Variants in ADAMTS15 observed in about 807,000 individuals in gnomAD.
ADAMTS15 encodes A disintegrin and metalloproteinase with thrombospondin motifs 15.
Under a neutral mutation model 79.1 loss-of-function variants are expected in ADAMTS15, and 35 were observed. The ratio of observed to expected loss-of-function variants is 0.44; its 90% CI spans 0.34 to 0.59. The LOEUF (loss-of-function observed/expected upper bound fraction) is 0.59, where lower values mean the gene tolerates loss of function less well. Ranked by LOEUF, ADAMTS15 falls within the 20% of genes least tolerant of loss-of-function variation. The pLI, the probability that ADAMTS15 is intolerant of heterozygous loss-of-function variation, is 0.02. For synonymous variants in ADAMTS15, 616 were observed against 567.3 expected (o/e 1.09, Z -1.22); for missense variants, 1,324 against 1,318.7 (o/e 1.00, Z -0.06).
In ADAMTS15 at chr11:130,473,473, G is replaced by A. The variant is rs61757474; in HGVS notation, c.2505G>A (p.Pro835=). 4,261 of 1,611,994 alleles carry A rather than the reference G, an allele frequency of 2.6e-3. 70 individuals are homozygous for A. In the East Asian group the frequency reaches 0.044, roughly 17 times the overall value. Residue 835 remains proline (P), a synonymous_variant, in exon 8 of 8, where the codon CCG becomes CCA. Coordinates refer to ENST00000299164, the MANE Select transcript of ADAMTS15 (RefSeq NM_139055.4). ...GCCTCTCCAACCAGGTGGAGCAGCC[G>A]GACGACAGGCCCCCTGCACGCTGGG... ...VLSLSNQVEQ[P]DDRPPARWVA...
chr11:130,460,302 G>A (rs143789719), intron 1 of ADAMTS15, among the ~76,000 whole-genome samples: 3,474 of 148,130 alleles, frequency 0.023, 62 homozygotes, highest in South Asian at 0.062. Flanking sequence ...TTGAGACGGA[G>A]TTTTGCTCTT....
intron 4 of ADAMTS15, among the ~76,000 whole-genome samples, chr11:130,465,627 T>C (rs1938284311): frequency 6.6e-6 from 1 of 152,002 alleles, no homozygotes; most frequent in South Asian, 2.1e-4. Context: ...TGACATCATT[T>C]CTCCAAAACA....
At position 130,473,374 on chromosome 11, in the gene ADAMTS15, A is replaced by G. The variant is rs146069494; in HGVS notation, c.2406A>G (p.Lys802=). Residue 802 remains lysine (K), a synonymous_variant, in exon 8 of 8, where the codon AAA becomes AAG. Coordinates refer to ENST00000299164, the MANE Select transcript of ADAMTS15 (RefSeq NM_139055.4). ...PRVRYSFYLP[K]EPREDKSSHP... Reference sequence around the variant, plus strand: ...TCCGCTACTCCTTCTATCTGCCCAAAGAGCCTCGGGAGGACAAGTCCTCTC... The same window carrying G: ...TCCGCTACTCCTTCTATCTGCCCAAGGAGCCTCGGGAGGACAAGTCCTCTC... The G allele has an allele frequency of 8.9e-5, 143 of 1,612,830 alleles. No individual in the cohort carries two copies. The African/African-American group carries it at 1.7e-3, about 20-fold the overall frequency.
chr11:130,461,621 G>A lies in ADAMTS15; in HGVS notation c.1090G>A (p.Gly364Ser), dbSNP rs749730638. 6.2e-7 allele frequency: 1 copy of A among 1,614,072 alleles called. No individual in the cohort carries two copies. Among genetic ancestry groups the A allele is most frequent in the Non-Finnish European group, 8.5e-7 (1 of 1,180,016 alleles). Residue 364 changes from glycine (G) to serine (S), a missense_variant and splice_region_variant, in exon 2 of 8, where the codon GGC becomes AGC. Gly to Ser is a moderately conservative substitution (Grantham distance 56). Transcript: ENST00000299164. ...PSAFTTAHEL[G>S]HVFNMPHDNV... ...AGCCTTCACCACTGCCCACGAGCTG[G>A]GTAAGGCTGGATAAGCTCCTCCTGG...
chr11:130,459,744 T>C (rs969491028), intron 1 of ADAMTS15, among the ~76,000 whole-genome samples: 1 of 152,210 alleles, frequency 6.6e-6, no homozygotes, highest in Non-Finnish European at 1.5e-5. Context: ...GTGACTATCA[T>C]CTGACCGTGG....
In ADAMTS15 at chr11:130,469,293, A is replaced by G; in HGVS notation, c.1574A>G (p.Tyr525Cys). The G allele has an allele frequency of 2.1e-6, 3 of 1,402,144 alleles. No homozygotes were observed. Among genetic ancestry groups the G allele is most frequent in the South Asian group, 1.8e-5 (1 of 54,334 alleles). The allele number at this position is 1,402,144 out of a possible 1,614,324, so 86.9% of individuals were successfully genotyped here. Residue 525 changes from tyrosine (Y) to cysteine (C), a missense_variant, in exon 5 of 8, where the codon TAT becomes TGT. Transcript: ENST00000299164. ...VDGSWAKWDP[Y>C]GPCSRTCGGG... ...GGTTCCTGGGCCAAATGGGATCCCT[A>G]TGGCCCCTGCTCGCGCACATGTGGT...
chr11:130,470,185 T>TATATATATAC (rs1565397844), intron 5 of ADAMTS15, among the ~76,000 whole-genome samples: 3 of 47,196 alleles, frequency 6.4e-5, no homozygotes, highest in African/African-American at 4.0e-4. Context: ...TATATATGTG[T>TATATATATAC]GTATATATAT....
chr11:130,462,835 C>T lies in ADAMTS15; in HGVS notation c.1542+55C>T, dbSNP rs1293461880. ...ACTGCTGGGAGGAGGGATGGAGACC[C>T]GGGGGCCTCGTCTGCCCTTGGTCTT... On this transcript the variant is annotated intron_variant, in intron 4 of 7. Coordinates refer to ENST00000299164, the MANE Select transcript of ADAMTS15 (RefSeq NM_139055.4). This position sits in a 1 kb window ranked among gnomAD's most constrained non-coding sequence, Gnocchi z 4.3. The T allele has an allele frequency of 1.6e-5, 25 of 1,534,890 alleles. No homozygotes were observed. The highest frequency in any genetic ancestry group is 9.5e-5 in the African/African-American group (7 of 73,358).
At position 130,449,720 on chromosome 11, in the gene ADAMTS15, G is replaced by T. The variant is rs139507757; in HGVS notation, c.747G>T (p.Ala249=). ...ATCTGCTGACGCTGCTGGCAACGGC[G>T]GCGCGACTCTACCGCCATCCCAGCA... ...EHYLLTLLAT[A]ARLYRHPSIL... is the part of the protein sequence containing the mutation. The change falls in exon 1 of 8, where the codon GCG becomes GCT. Residue 249 remains alanine, a synonymous_variant. Coordinates refer to ENST00000299164, the MANE Select transcript of ADAMTS15 (RefSeq NM_139055.4). This position sits in a 1 kb window ranked among gnomAD's most constrained non-coding sequence, Gnocchi z 7.8. The T allele has an allele frequency of 4.5e-4, 724 of 1,611,964 alleles. 1 individual carries two copies. The Middle Eastern group carries it at 5.1e-3, about 11-fold the overall frequency.
chr11:130,451,356 G>A (rs566463449), intron 1 of ADAMTS15, among the ~76,000 whole-genome samples: 289 of 152,226 alleles, frequency 1.9e-3, no homozygotes, highest in Non-Finnish European at 3.2e-3. Flanking sequence ...TCCTGGAGTC[G>A]AACTTCCTCT....
In ADAMTS15 at chr11:130,462,702, C is replaced by T. The variant is rs200281061; in HGVS notation, c.1464C>T (p.Ala488=). ...MVCQTRHFPW[A]DGTSCGEGKL... ...GCCAGACCCGCCACTTCCCCTGGGC[C>T]GATGGCACCAGCTGTGGCGAGGGCA... Residue 488 remains alanine (A), a synonymous_variant, in exon 4 of 8, where the codon GCC becomes GCT. Coordinates refer to ENST00000299164, the MANE Select transcript of ADAMTS15 (RefSeq NM_139055.4). This position sits in a 1 kb window ranked among gnomAD's most constrained non-coding sequence, Gnocchi z 4.3. 47 of 1,612,736 alleles carry T rather than the reference C, an allele frequency of 2.9e-5. No individual in the cohort carries two copies. In the Admixed American group the frequency reaches 4.2e-4, roughly 14 times the overall value.
chr11:130,470,212 A>ATATATATATATATATACATG (rs1938422915), intron 5 of ADAMTS15, among the ~76,000 whole-genome samples: 1 of 52,302 alleles, frequency 1.9e-5, no homozygotes, highest in Non-Finnish European at 3.6e-5. Flanking sequence ...ATATATATGT[A>ATATATATATATATATACATG]TATATATATA....
In ADAMTS15 at chr11:130,462,852, C is replaced by G; in HGVS notation, c.1542+72C>G. Reference sequence around the variant, plus strand: ...TGGAGACCCGGGGGCCTCGTCTGCCCTTGGTCTTCACCAGGAAGGTGCCTA... The same window carrying G: ...TGGAGACCCGGGGGCCTCGTCTGCCGTTGGTCTTCACCAGGAAGGTGCCTA... On this transcript the variant is annotated intron_variant, in intron 4 of 7. Coordinates refer to ENST00000299164, the MANE Select transcript of ADAMTS15 (RefSeq NM_139055.4). This position sits in a 1 kb window ranked among gnomAD's most constrained non-coding sequence, Gnocchi z 4.3. The G allele has an allele frequency of 6.6e-7, 1 of 1,526,054 alleles. No individual in the cohort carries two copies. Among genetic ancestry groups the G allele is most frequent in the Non-Finnish European group, 8.8e-7 (1 of 1,133,800 alleles). The allele number at this position is 1,526,054 out of a possible 1,614,324, so 94.5% of individuals were successfully genotyped here.
intron 1 of ADAMTS15, among the ~76,000 whole-genome samples, chr11:130,455,816 G>T (rs1054723887): frequency 6.6e-6 from 1 of 152,168 alleles, no homozygotes; most frequent in African/African-American, 2.4e-5. Context: ...CCGGGGGCTC[G>T]TTCAACCGGA....
Position 130,462,572 on chromosome 11 carries a change from G to A in ADAMTS15, c.1334G>A (p.Ser445Asn), listed in dbSNP as rs1458317133. Residue 445 changes from serine to asparagine, a missense_variant, in exon 4 of 8, where the codon AGC becomes AAC. Transcript: ENST00000299164. The surrounding 1 kb of genome is among the most constrained non-coding windows in gnomAD (Gnocchi z 4.3). ...EDLPGASYTLSQQCELAFGVG... is the reference protein window; with the variant it reads ...EDLPGASYTLNQQCELAFGVG... The stretch of plus-strand genomic sequence containing the variant: ...CTGCCGGGCGCCAGCTACACCCTGA[G>A]CCAGCAGTGCGAGCTGGCTTTTGGC... 6.2e-7 allele frequency: 1 copy of A among 1,613,380 alleles called. No homozygotes were observed. The highest frequency in any genetic ancestry group is 1.1e-5 in the South Asian group (1 of 91,050).
intron 1 of ADAMTS15, among the ~76,000 whole-genome samples, chr11:130,452,730 C>T (rs905553211): frequency 1.3e-4 from 20 of 152,136 alleles, no homozygotes; most frequent in Non-Finnish European, 2.2e-4. Flanking sequence ...CGCCTGTAAT[C>T]CCAGCACTTT....
At chr11:130,457,616 T>C (rs560977803) in intron 1 of ADAMTS15, among the ~76,000 whole-genome samples, 1 of 152,246 alleles carries the variant, frequency 6.6e-6, no homozygotes, top group East Asian at 1.9e-4. Flanking sequence ...AGGTAGGGGC[T>C]GGGTTAGGAA....
chr11:130,472,956 A>T lies in ADAMTS15; in HGVS notation c.2079-91A>T, dbSNP rs1938488008. On this transcript the variant is annotated intron_variant, in intron 7 of 7. Coordinates refer to ENST00000299164, the MANE Select transcript of ADAMTS15 (RefSeq NM_139055.4). This position sits in a 1 kb window ranked among gnomAD's most constrained non-coding sequence, Gnocchi z 4.7. ...TACTCCCATGCCAGAATTCACCGAA[A>T]GCTAGGTTTACTGAGGAAAACAGAT... is the stretch of plus-strand genomic sequence containing the variant. The T allele has an allele frequency of 2.0e-6, 3 of 1,527,422 alleles. No individual in the cohort carries two copies. Among genetic ancestry groups the T allele is most frequent in the Non-Finnish European group, 2.6e-6 (3 of 1,132,254 alleles). 94.6% of individuals were successfully genotyped at this position (1,527,422 alleles called of 1,614,324 possible). A position where few individuals can be genotyped will look rare whatever the true frequency, so the allele number is the denominator to read the frequency against.
At chr11:130,469,134 C>T (rs1938369478) in intron 4 of ADAMTS15, 128 bp from the exon 5 acceptor site, 3 of 933,436 alleles carry the variant, frequency 3.2e-6, no homozygotes, top group South Asian at 8.4e-5. Flanking sequence ...CTTCATGATA[C>T]AACATTAATT....
Sources: gnomAD v4.1 joint callset for allele counts (sites outside exome capture counted in the v4.1 genomes callset) on GRCh38, gnomAD v4.1.1 for gene constraint, Gnocchi (gnomAD v3.1) non-coding constraint, MANE v1.5 for transcripts, NCBI Gene and HGNC (gene_info 2026-07-23, HGNC 2026-07-21) for gene names.